Variants in ACYP2 observed in about 807,000 individuals in gnomAD.
ACYP2 encodes the protein acylphosphatase-2.
ACYP2 carries 12 observed loss-of-function variants against 11.2 expected under a neutral mutation model. The observed-to-expected ratio is 1.08, with a 90% CI of 0.69 to 1.74. ACYP2 has a LOEUF of 1.74. ACYP2 is among the 40% of genes most tolerant of loss of function. ACYP2 has a pLI of 0.00. For synonymous variants in ACYP2, 43 were observed against 32.2 expected (o/e 1.33, Z -1.13); for missense variants, 134 against 101.9 (o/e 1.31, Z -1.35).
At chr2:54,298,262 A>G (rs1213049022) in intron 6 of ACYP2, among the ~76,000 whole-genome samples, 2 of 152,208 alleles carry the variant, frequency 1.3e-5, no homozygotes, top group South Asian at 2.1e-4. Context: ...ATTTAGTAAA[A>G]GATGCAGGAG....
intron 4 of ACYP2, among the ~76,000 whole-genome samples, chr2:54,061,050 T>A (rs1290759830): frequency 6.6e-6 from 1 of 152,184 alleles, no homozygotes; most frequent in Non-Finnish European, 1.5e-5. Context: ...AGGCATGGTC[T>A]CCCTATATTA....
intron 6 of ACYP2, among the ~76,000 whole-genome samples, chr2:54,229,892 C>T (rs1441699952): frequency 6.6e-6 from 1 of 152,110 alleles, no homozygotes; most frequent in Non-Finnish European, 1.5e-5. Flanking sequence ...CATGTTCTGT[C>T]CACTAAATAG....
chr2:54,281,067 G>T (rs766064764), intron 6 of ACYP2, among the ~76,000 whole-genome samples: 1 of 152,214 alleles, frequency 6.6e-6, no homozygotes, highest in Non-Finnish European at 1.5e-5. Context: ...TCAGAGAGAA[G>T]TTGGAGGTTT....
At chr2:54,052,550 G>A (rs573594372) in intron 3 of ACYP2, among the ~76,000 whole-genome samples, 66 of 152,150 alleles carry the variant, frequency 4.3e-4, no homozygotes, top group African/African-American at 1.5e-3. Context: ...CTCTGTTAAC[G>A]TAATATTACA....
chr2:54,277,833 ATTAC>A (rs1688673017), intron 6 of ACYP2, among the ~76,000 whole-genome samples: 1 of 152,160 alleles, frequency 6.6e-6, no homozygotes, highest in Non-Finnish European at 1.5e-5. Context: ...GTAATAATAT[ATTAC>A]TTGTCATTTA....
rs141954127 is a variant in ACYP2, at chr2:54,134,470, G to T, written c.278-983G>T. Among the ~76,000 whole-genome samples the T allele has an allele frequency of 6.9e-3, 1,057 of 152,170 alleles. 11 individuals are homozygous for T. Among genetic ancestry groups the T allele is most frequent in the African/African-American group, 0.024 (1,009 of 41,508 alleles). On this transcript the variant is annotated intron_variant, in intron 4 of 6. Coordinates refer to ENST00000607452, the MANE Select transcript of ACYP2 (RefSeq NM_001320586.2). ...GTATTTAGTCCTTACATTTTAAGAA[G>T]ATATCTTAAAAGTTGAGGACAGCTA...
chr2:54,047,572 TG>T (rs1487281031), intron 2 of ACYP2, among the ~76,000 whole-genome samples: 1 of 152,184 alleles, frequency 6.6e-6, no homozygotes, highest in African/African-American at 2.4e-5. Context: ...ATAAATTGAT[TG>T]TATTGTATTA....
At chr2:54,092,230 C>A (rs1678273908) in intron 4 of ACYP2, among the ~76,000 whole-genome samples, 1 of 152,126 alleles carries the variant, frequency 6.6e-6, no homozygotes, top group South Asian at 2.1e-4. Flanking sequence ...GTCTTATAGG[C>A]ACTTTCATTT....
rs565350489 is a variant in ACYP2, at chr2:54,276,026, A to G, written c.405-28662A>G. On this transcript the variant is annotated intron_variant, in intron 6 of 6. Coordinates refer to ENST00000607452, the MANE Select transcript of ACYP2 (RefSeq NM_001320586.2). ...TGAAACTAGAACTTAAATAGCTTAC[A>G]TGTTTATCCTTTCTATCCTTGTTAG... Among the ~76,000 whole-genome samples, 20 of 152,266 alleles carry G rather than the reference A, an allele frequency of 1.3e-4. 1 individual carries two copies. Among genetic ancestry groups the G allele is most frequent in the Admixed American group, 1.2e-3 (18 of 15,298 alleles).
chr2:54,028,589 G>C (rs1176176961), intron 2 of ACYP2, among the ~76,000 whole-genome samples: 1 of 152,192 alleles, frequency 6.6e-6, no homozygotes, highest in African/African-American at 2.4e-5. Context: ...CAGGAAGAAA[G>C]ACTGAAGTCT....
intron 6 of ACYP2, among the ~76,000 whole-genome samples, chr2:54,185,483 T>C (rs2103876839): frequency 6.6e-6 from 1 of 152,358 alleles, no homozygotes; most frequent in East Asian, 1.9e-4. Context: ...ATCTCTATTG[T>C]TTAAGCCTCT....
At position 53,994,345 on chromosome 2, in the gene ACYP2, A is replaced by AAC. The variant is rs1397172742; in HGVS notation, c.62+20536_62+20537insCA. Reference sequence around the variant, plus strand: ...ACTCCGTCTCAAAAAAAAAAAAAAAAAAAAAAACGAAAAAAAACAAAATAT... The same window carrying AAC: ...ACTCCGTCTCAAAAAAAAAAAAAAAAACAAAAAAACGAAAAAAAACAAAATAT... On this transcript the variant is annotated intron_variant, in intron 2 of 6. Transcript: ENST00000607452. 2.9e-4 allele frequency among the ~76,000 whole-genome samples: 43 copies of AAC among 148,688 alleles called. 1 individual carries two copies. The highest frequency in any genetic ancestry group is 1.0e-3 in the African/African-American group (41 of 40,552).
At chr2:54,298,186 A>G (rs150916361) in intron 6 of ACYP2, among the ~76,000 whole-genome samples, 30 of 152,374 alleles carry the variant, frequency 2.0e-4, no homozygotes, top group Middle Eastern at 3.4e-3. Context: ...GCCTATAAAC[A>G]GACTCAGGCA....
chr2:53,974,889 G>A (rs1671392127), intron 2 of ACYP2, among the ~76,000 whole-genome samples: 1 of 151,924 alleles, frequency 6.6e-6, no homozygotes, highest in African/African-American at 2.4e-5. Context: ...AGTGAAGAGA[G>A]TAGAGAGCTA....
At chr2:54,194,555 TATATA>T (rs1179453187) in intron 6 of ACYP2, among the ~76,000 whole-genome samples, 4 of 152,154 alleles carry the variant, frequency 2.6e-5, no homozygotes, top group Non-Finnish European at 5.9e-5. Context: ...TCCATAATGT[TATATA>T]ATAATATATT....
chr2:54,101,710 T>C (rs1678903647), intron 4 of ACYP2, among the ~76,000 whole-genome samples: 1 of 150,850 alleles, frequency 6.6e-6, no homozygotes. Context: ...GAAGTGTGTG[T>C]AATCTATCTT....
chr2:54,262,674 ATTTT>A (rs1687830837), intron 6 of ACYP2, among the ~76,000 whole-genome samples: 2 of 150,920 alleles, frequency 1.3e-5, no homozygotes, highest in African/African-American at 4.9e-5. Flanking sequence ...AATTCCTATT[ATTTT>A]CTTGAGTTGT....
rs34123335 is a variant in ACYP2, at chr2:54,098,726, C to CT, written c.278-36710dup. Among the ~76,000 whole-genome samples, 185 of 140,768 alleles carry CT rather than the reference C, an allele frequency of 1.3e-3. 2 individuals are homozygous for CT. Among genetic ancestry groups the CT allele is most frequent in the Middle Eastern group, 7.3e-3 (2 of 274 alleles). The allele number at this position is 140,768 out of a possible 152,430, so 92.3% of individuals were successfully genotyped here. ...TCCTCTCTGATTTCAGACAATGTCCCTTTTTTTTTTTTTTTTTCTAAAGAC... is the reference window on the plus strand; with the variant it reads ...TCCTCTCTGATTTCAGACAATGTCCCTTTTTTTTTTTTTTTTTTCTAAAGAC... On this transcript the variant is annotated intron_variant, in intron 4 of 6. Transcript: ENST00000607452.
At chr2:54,270,971 C>A (rs963338711) in intron 6 of ACYP2, among the ~76,000 whole-genome samples, 2 of 152,180 alleles carry the variant, frequency 1.3e-5, no homozygotes, top group African/African-American at 2.4e-5. Flanking sequence ...ATGGCACATA[C>A]AATTCTTTAT....
Sources: gnomAD v4.1 joint callset for allele counts (sites outside exome capture counted in the v4.1 genomes callset) on GRCh38, gnomAD v4.1.1 for gene constraint, MANE v1.5 for transcripts, NCBI Gene and HGNC (gene_info 2026-07-23, HGNC 2026-07-21) for gene names.